Variants in MAGI1 observed in about 807,000 individuals in gnomAD.
The protein encoded by MAGI1 is membrane-associated guanylate kinase, WW and PDZ domain-containing protein 1.
MAGI1 carries 58 observed loss-of-function variants against 139.9 expected under a neutral mutation model. The observed-to-expected ratio is 0.41, with a 90% CI of 0.34 to 0.52. The LOEUF is 0.52. Among genes scored for constraint, MAGI1 ranks in the 20% least tolerant of loss-of-function variants. MAGI1 has a pLI of 0.12. For missense variants in MAGI1, 1,874 were observed against 1,901.6 expected, an observed-to-expected ratio of 0.99 and a Z score of 0.27; for synonymous variants, 812 against 737.9, an observed-to-expected ratio of 1.10 and a Z score of -1.63.
At chr3:65,995,267 A>G (rs2066380751) in intron 1 of MAGI1, among the ~76,000 whole-genome samples, 1 of 152,212 alleles carries the variant, frequency 6.6e-6, no homozygotes, top group African/African-American at 2.4e-5. Context: ...AACAAATGCA[A>G]TATGGTCTAG....
intron 2 of MAGI1, among the ~76,000 whole-genome samples, chr3:65,590,834 T>C (rs1266578031): frequency 6.6e-6 from 1 of 152,126 alleles, no homozygotes; most frequent in African/African-American, 2.4e-5. Context: ...GTAAAGACTA[T>C]AAAAAGTCCA....
chr3:65,445,407 T>C (rs1214768963), intron 7 of MAGI1, among the ~76,000 whole-genome samples: 1 of 152,236 alleles, frequency 6.6e-6, no homozygotes, highest in East Asian at 1.9e-4. Context: ...GTCTGTGGCC[T>C]GTGTACTTGC....
chr3:65,672,511 A>C (rs920723560), intron 1 of MAGI1, among the ~76,000 whole-genome samples: 1 of 152,180 alleles, frequency 6.6e-6, no homozygotes, highest in Non-Finnish European at 1.5e-5. Context: ...ATAGGATGAA[A>C]ATGATTACAT....
Position 65,392,482 on chromosome 3 carries a change from C to A in MAGI1, c.2200-1124G>T, listed in dbSNP as rs192195814. Among the ~76,000 whole-genome samples the A allele has an allele frequency of 2.6e-5, 4 of 152,180 alleles. No individual in the cohort carries two copies. The East Asian group carries it at 7.7e-4, about 29-fold the overall frequency. On this transcript the variant is annotated intron_variant, in intron 13 of 22. Transcript: ENST00000402939. ...GGGCTCTCCATTCTCTTTTATAGAT[C>A]CTGTAGAGCTCGTGGTTTTAAAGTA...
intron 1 of MAGI1, among the ~76,000 whole-genome samples, chr3:65,651,182 G>A (rs545371716): frequency 3.3e-5 from 5 of 152,142 alleles, no homozygotes; most frequent in South Asian, 4.1e-4. Flanking sequence ...CTAGGATCAC[G>A]CGTCACACAG....
At chr3:65,645,210 G>A (rs1022314444) in intron 1 of MAGI1, among the ~76,000 whole-genome samples, 24 of 151,714 alleles carry the variant, frequency 1.6e-4, no homozygotes, top group Non-Finnish European at 3.1e-4. Context: ...GTTCAAGAAG[G>A]TCAGCAAACC....
intron 5 of MAGI1, among the ~76,000 whole-genome samples, chr3:65,455,608 G>A (rs887868474): frequency 9.2e-5 from 14 of 152,172 alleles, no homozygotes; most frequent in South Asian, 2.1e-4. Flanking sequence ...GTGGTGGTGC[G>A]CACCTGTGGT....
intron 1 of MAGI1, among the ~76,000 whole-genome samples, chr3:65,770,185 G>A (rs754737917): frequency 6.6e-6 from 1 of 152,184 alleles, no homozygotes; most frequent in Non-Finnish European, 1.5e-5. Flanking sequence ...AATACAACCA[G>A]TGTGTCAAGG....
At chr3:65,996,355 A>G (rs2066448052) in intron 1 of MAGI1, among the ~76,000 whole-genome samples, 1 of 152,182 alleles carries the variant, frequency 6.6e-6, no homozygotes, top group South Asian at 2.1e-4. Context: ...CTAACCCTAA[A>G]TTAACAGTGC....
intron 1 of MAGI1, among the ~76,000 whole-genome samples, chr3:65,843,126 T>C (rs951410012): frequency 6.6e-6 from 1 of 152,188 alleles, no homozygotes; most frequent in Non-Finnish European, 1.5e-5. Flanking sequence ...ATAAAAAGAA[T>C]TGATCAAAAG....
chr3:65,930,787 G>T (rs189869654), intron 1 of MAGI1, among the ~76,000 whole-genome samples: 18 of 152,180 alleles, frequency 1.2e-4, no homozygotes, highest in East Asian at 9.7e-4. Context: ...GCATTAGAAG[G>T]CTAAAAGACA....
intron 1 of MAGI1, among the ~76,000 whole-genome samples, chr3:65,990,787 T>C: frequency 6.6e-6 from 1 of 152,030 alleles, no homozygotes; most frequent in East Asian, 1.9e-4. Context: ...TTGGGAAAAA[T>C]TATTTCCTTT....
chr3:65,577,471 A>G, intron 2 of MAGI1, among the ~76,000 whole-genome samples: 1 of 152,304 alleles, frequency 6.6e-6, no homozygotes, highest in Non-Finnish European at 1.5e-5. Flanking sequence ...ACATTAAAAT[A>G]TTATTTATCC....
At chr3:66,003,038 C>T (rs2066830557) in intron 1 of MAGI1, among the ~76,000 whole-genome samples, 1 of 152,128 alleles carries the variant, frequency 6.6e-6, no homozygotes, top group South Asian at 2.1e-4. Context: ...GATCTATAGT[C>T]ATGTATTTAG....
chr3:65,633,151 T>C (rs2084408835), intron 1 of MAGI1, among the ~76,000 whole-genome samples: 1 of 152,038 alleles, frequency 6.6e-6, no homozygotes, highest in South Asian at 2.1e-4. Context: ...CCTAATGAAA[T>C]ATGGGGAGCT....
chr3:65,949,502 A>G lies in MAGI1; in HGVS notation c.313+88494T>C, dbSNP rs191777136. Among the ~76,000 whole-genome samples the G allele has an allele frequency of 2.1e-3, 315 of 152,340 alleles. 1 individual carries two copies. Among genetic ancestry groups the G allele is most frequent in the African/African-American group, 7.0e-3 (293 of 41,578 alleles). ...AGACTACAATCCCTCAAAAGAAGGA[A>G]ATGTACTTTTTATTGTTGGTCACAA... On this transcript the variant is annotated intron_variant, in intron 1 of 22. Transcript: ENST00000402939.
intron 1 of MAGI1, among the ~76,000 whole-genome samples, chr3:65,856,790 G>C (rs1026294367): frequency 6.6e-6 from 1 of 152,122 alleles, no homozygotes. Flanking sequence ...AAACTACAAC[G>C]GTCTCTTGGC....
At chr3:65,905,114 G>A (rs1410065002) in intron 1 of MAGI1, among the ~76,000 whole-genome samples, 1 of 152,108 alleles carries the variant, frequency 6.6e-6, no homozygotes, top group East Asian at 1.9e-4. Flanking sequence ...ATATCCCCAA[G>A]ATTCTGATTT....
Position 65,379,441 on chromosome 3 carries a change from T to C in MAGI1, c.2815A>G (p.Asn939Asp), listed in dbSNP as rs1942851649. The change falls in exon 17 of 23, where the codon AAC becomes GAC. Residue 939 changes from asparagine to aspartate, a missense_variant. Coordinates refer to ENST00000402939, the MANE Select transcript of MAGI1 (RefSeq NM_001033057.2). Reference sequence around the variant, plus strand: ...CTGCCGCTGCCCGAGCTCACCGTGTTCAGCGAGTTCTGGCTGCCCTGCGGA... The same window carrying C: ...CTGCCGCTGCCCGAGCTCACCGTGTCCAGCGAGTTCTGGCTGCCCTGCGGA... ...RTPQGSQNSLNTVSSGSGSTS... is the reference protein window; with the variant it reads ...RTPQGSQNSLDTVSSGSGSTS... 2 of 1,613,968 alleles carry C rather than the reference T, an allele frequency of 1.2e-6. No homozygotes were observed. Among genetic ancestry groups the C allele is most frequent in the East Asian group, 4.5e-5 (2 of 44,862 alleles).
Sources: gnomAD v4.1 joint callset for allele counts (sites outside exome capture counted in the v4.1 genomes callset) on GRCh38, gnomAD v4.1.1 for gene constraint, MANE v1.5 for transcripts, NCBI Gene and HGNC (gene_info 2026-07-23, HGNC 2026-07-21) for gene names.